Variants in ANKRD29 observed in about 807,000 individuals in gnomAD.
The protein encoded by ANKRD29 is ankyrin repeat domain-containing protein 29.
Under a neutral mutation model 38.0 loss-of-function variants are expected in ANKRD29, and 32 were observed. The ratio of observed to expected loss-of-function variants is 0.84; its 90% CI spans 0.64 to 1.13. The LOEUF (loss-of-function observed/expected upper bound fraction) is 1.13, where lower values mean the gene tolerates loss of function less well. Among genes scored for constraint, ANKRD29 ranks in the 50% most tolerant of loss-of-function variants. The pLI, the probability that ANKRD29 is intolerant of heterozygous loss-of-function variation, is 0.00. For missense variants in ANKRD29, 357 were observed against 377.9 expected (o/e 0.94, Z 0.46); for synonymous variants, 135 against 152.4 (o/e 0.89, Z 0.84).
At chr18:23,641,477 G>A (rs2060075630) in intron 3 of ANKRD29, among the ~76,000 whole-genome samples, 1 of 152,260 alleles carries the variant, frequency 6.6e-6, no homozygotes, top group African/African-American at 2.4e-5. Context: ...TGCTTGAGGT[G>A]TGTATGCTTG....
At position 23,600,468 on chromosome 18, in the gene ANKRD29, C is replaced by T. The variant is rs1031510992; in HGVS notation, c.*758G>A. On this transcript the variant is annotated 3_prime_UTR_variant, in exon 10 of 10. Coordinates refer to ENST00000592179, the MANE Select transcript of ANKRD29 (RefSeq NM_173505.4). ...CAAAGAGACAAGCCTATATATTTCT[C>T]GTGGTTTATAAGTTTCTGAATTTCC... The T allele has an allele frequency of 1.3e-5, 2 of 152,312 alleles. No homozygotes were observed. The highest frequency in any genetic ancestry group is 4.8e-5 in the African/African-American group (2 of 41,450). The allele number at this position is 152,312 out of a possible 1,614,324, so 9.4% of individuals were successfully genotyped here. A position where few individuals can be genotyped will look rare whatever the true frequency, so the allele number is the denominator to read the frequency against.
intron 3 of ANKRD29, among the ~76,000 whole-genome samples, chr18:23,641,693 C>A (rs577302789): frequency 6.6e-6 from 1 of 152,340 alleles, no homozygotes; most frequent in East Asian, 1.9e-4. Flanking sequence ...TCCCATGGAC[C>A]AATCAGCACA....
intron 1 of ANKRD29, among the ~76,000 whole-genome samples, chr18:23,662,283 G>A (rs552252741): frequency 1.3e-5 from 2 of 152,252 alleles, no homozygotes; most frequent in South Asian, 4.1e-4. Flanking sequence ...CTGGGTGCTG[G>A]CCACCCCTCC....
At chr18:23,644,090 C>A (rs1174738580) in intron 3 of ANKRD29, among the ~76,000 whole-genome samples, 1 of 152,216 alleles carries the variant, frequency 6.6e-6, no homozygotes, top group Non-Finnish European at 1.5e-5. Context: ...AAGCTGAGTA[C>A]ACTTTGGTAA....
At chr18:23,653,917 T>C (rs1474497531) in intron 1 of ANKRD29, among the ~76,000 whole-genome samples, 5 of 152,006 alleles carry the variant, frequency 3.3e-5, no homozygotes, top group Non-Finnish European at 7.4e-5. Context: ...AGGAATGAGT[T>C]AGTCAAGGTC....
chr18:23,611,901 G>A (rs1306630460), intron 9 of ANKRD29, among the ~76,000 whole-genome samples, 191 bp downstream of exon 9: 1 of 152,078 alleles, frequency 6.6e-6, no homozygotes, highest in Non-Finnish European at 1.5e-5. Context: ...ATGAGTCAGG[G>A]TTTTTATTAA....
chr18:23,642,257 C>T (rs1255909402), intron 3 of ANKRD29, among the ~76,000 whole-genome samples: 1 of 151,914 alleles, frequency 6.6e-6, no homozygotes, highest in Non-Finnish European at 1.5e-5. Context: ...GAGAGAGGAG[C>T]TACAGCCCTT....
chr18:23,617,627 C>A, intron 8 of ANKRD29, 105 bp downstream of exon 8: 1 of 790,340 alleles, frequency 1.3e-6, no homozygotes, highest in South Asian at 1.7e-5. Flanking sequence ...TTCAAGAATC[C>A]AACTAACCAG....
At chr18:23,648,474 T>G in intron 2 of ANKRD29, 1 of 161,812 alleles carries the variant, frequency 6.2e-6, no homozygotes. Context: ...CCTTTCCTCA[T>G]TGGAGGTCCT....
chr18:23,627,744 G>C (rs1032933000), intron 6 of ANKRD29, among the ~76,000 whole-genome samples: 2 of 152,158 alleles, frequency 1.3e-5, no homozygotes, highest in Non-Finnish European at 1.5e-5. Flanking sequence ...ATTCACAGTG[G>C]TATCTTCAAT....
chr18:23,628,414 A>T (rs11662113), intron 6 of ANKRD29, among the ~76,000 whole-genome samples: 4 of 152,010 alleles, frequency 2.6e-5, no homozygotes, highest in Admixed American at 2.0e-4. Flanking sequence ...ATGTGAACAC[A>T]GAGAGGCATT....
chr18:23,656,151 G>C (rs1404062677), intron 1 of ANKRD29, among the ~76,000 whole-genome samples: 1 of 150,718 alleles, frequency 6.6e-6, no homozygotes, highest in African/African-American at 2.4e-5. Flanking sequence ...TCAAGCAGAA[G>C]AGATTAGGAG....
At position 23,601,104 on chromosome 18, in the gene ANKRD29, C is replaced by A. The variant is rs1021478334; in HGVS notation, c.*122G>T. ...GTAGCTCTTCTTTGTCAGGGACCCA[C>A]AGGATGGGCATTCTGGGCATCTTTT... On this transcript the variant is annotated 3_prime_UTR_variant, in exon 10 of 10. Coordinates refer to ENST00000592179, the MANE Select transcript of ANKRD29 (RefSeq NM_173505.4). The A allele has an allele frequency of 3.9e-4, 328 of 842,678 alleles. 1 individual carries two copies. Among genetic ancestry groups the A allele is most frequent in the Middle Eastern group, 3.7e-4 (1 of 2,738 alleles). The allele number at this position is 842,678 out of a possible 1,614,324, so 52.2% of individuals were successfully genotyped here.
intron 2 of ANKRD29, 91 bp downstream of exon 2, chr18:23,648,992 G>A: frequency 9.8e-7 from 1 of 1,025,070 alleles, no homozygotes; most frequent in Non-Finnish European, 1.5e-6. Flanking sequence ...AAGTAAATAA[G>A]CATTGTAAAG....
rs561379669 is a variant in ANKRD29, at chr18:23,633,029, G to A, written c.429+1022C>T. On this transcript the variant is annotated intron_variant, in intron 5 of 9. Transcript: ENST00000592179. ...CTACCTGTAGGACAGCCTAAAATAC[G>A]GTTCCTAGATAATTGGAAGTAGGAA... 3.9e-5 allele frequency among the ~76,000 whole-genome samples: 6 copies of A among 152,226 alleles called. No homozygotes were observed. In the East Asian group the frequency reaches 9.6e-4, roughly 24 times the overall value.
At chr18:23,627,673 A>G (rs1021242503) in intron 6 of ANKRD29, among the ~76,000 whole-genome samples, 1 of 152,194 alleles carries the variant, frequency 6.6e-6, no homozygotes, top group Non-Finnish European at 1.5e-5. Context: ...AGTGCCAGAA[A>G]TTATTTTGGA....
Position 23,629,941 on chromosome 18 carries a change from G to A in ANKRD29, c.440C>T (p.Thr147Ile). 6.2e-7 allele frequency: 1 copy of A among 1,613,762 alleles called. No individual in the cohort carries two copies. The highest frequency in any genetic ancestry group is 8.5e-7 in the Non-Finnish European group (1 of 1,179,690). Reference protein sequence around the residue: ...NIHDQLYDGATALFLAAQGGY... With the variant: ...NIHDQLYDGAIALFLAAQGGY... ...ACCTTGGGCAGCTAGGAAGAGGGCAGTGGCTCCATCCTGAGAGAGAACAAA... is the reference window on the plus strand; with the variant it reads ...ACCTTGGGCAGCTAGGAAGAGGGCAATGGCTCCATCCTGAGAGAGAACAAA... Residue 147 changes from threonine (T) to isoleucine (I), a missense_variant, in exon 6 of 10, where the codon ACT (threonine) becomes ATT (isoleucine). Coordinates refer to ENST00000592179, the MANE Select transcript of ANKRD29 (RefSeq NM_173505.4).
intron 8 of ANKRD29, among the ~76,000 whole-genome samples, chr18:23,616,580 A>ATATATATATATATACTATATATAC (rs2059723725): frequency 7.5e-6 from 1 of 132,672 alleles, no homozygotes; most frequent in African/African-American, 3.2e-5. Flanking sequence ...TATATACAGT[A>ATATATATATATATACTATATATAC]TATATATATA....
rs1011377842 is a variant in ANKRD29, at chr18:23,601,079, G to A, written c.*147C>T. 3.1e-5 allele frequency: 21 copies of A among 682,820 alleles called. No homozygotes were observed. The highest frequency in any genetic ancestry group is 1.4e-4 in the East Asian group (5 of 35,688). The allele number at this position is 682,820 out of a possible 1,614,324, so 42.3% of individuals were successfully genotyped here. On this transcript the variant is annotated 3_prime_UTR_variant, in exon 10 of 10. Coordinates refer to ENST00000592179, the MANE Select transcript of ANKRD29 (RefSeq NM_173505.4). ...TGGTTCTTGACTTCGTGCACAGAGCGTAGCTCTTCTTTGTCAGGGACCCAC... is the reference window on the plus strand; with the variant it reads ...TGGTTCTTGACTTCGTGCACAGAGCATAGCTCTTCTTTGTCAGGGACCCAC...
Sources: gnomAD v4.1 joint callset for allele counts (sites outside exome capture counted in the v4.1 genomes callset) on GRCh38, gnomAD v4.1.1 for gene constraint, MANE v1.5 for transcripts, NCBI Gene and HGNC (gene_info 2026-07-23, HGNC 2026-07-21) for gene names.